The following TRPC5 variants were observed in gnomAD, a reference collection of about 807,000 sequenced individuals.
The protein encoded by TRPC5 is short transient receptor potential channel 5.
A neutral mutation model predicts 56.5 loss-of-function variants in TRPC5; 9 were observed. The ratio of observed to expected loss-of-function variants is 0.16; its 90% CI spans 0.10 to 0.28. The LOEUF is 0.28. Ranked by LOEUF, TRPC5 falls within the 10% of genes least tolerant of loss-of-function variation. TRPC5 has a pLI of 1.00. For synonymous variants in TRPC5, 282 were observed against 278.5 expected, an observed-to-expected ratio of 1.01 and a Z score of -0.13; for missense variants, 469 against 748.9, an observed-to-expected ratio of 0.63 and a Z score of 4.36.
intron 7 of TRPC5, among the ~76,000 whole-genome samples, chrX:111,791,478 G>T (rs1377303852): frequency 1.8e-5 from 2 of 111,978 alleles, no homozygotes; most frequent in Admixed American, 1.9e-4. Flanking sequence ...CAAGTTGACC[G>T]TATTGAACTC....
Position 111,776,300 on chromosome X carries a change from A to G in TRPC5, c.*13T>C. On this transcript the variant is annotated 3_prime_UTR_variant, in exon 11 of 11. Transcript: ENST00000262839. ...TTTCTGTTGAGTTCCAGAACAGATG[A>G]TTAGGGCTTGACTTAGAGGCGAGTT... is the stretch of plus-strand genomic sequence containing the variant. 1 of 1,153,034 alleles carries G rather than the reference A, an allele frequency of 8.7e-7. No individual in the cohort carries two copies. The highest frequency in any genetic ancestry group is 1.2e-6 in the Non-Finnish European group (1 of 868,095).
intron 3 of TRPC5, among the ~76,000 whole-genome samples, chrX:111,882,371 T>G (rs1924267121): frequency 8.9e-6 from 1 of 112,278 alleles, no homozygotes; most frequent in African/African-American, 3.2e-5. Flanking sequence ...GTCTCTGACT[T>G]CTTTATGACC....
chrX:112,008,871 G>A (rs1403864984), intron 1 of TRPC5, among the ~76,000 whole-genome samples: 4 of 111,510 alleles, frequency 3.6e-5, no homozygotes, highest in South Asian at 3.8e-4. Context: ...AAGCTGAGTC[G>A]TTAGAGTGTG....
At chrX:111,939,967 A>G (rs1312473289) in intron 2 of TRPC5, among the ~76,000 whole-genome samples, 1 of 111,805 alleles carries the variant, frequency 8.9e-6, no homozygotes, top group Admixed American at 9.5e-5. Flanking sequence ...ATTAAGATGT[A>G]ACATTAGGTC....
chrX:112,053,047 G>T (rs1930254781), intron 1 of TRPC5, among the ~76,000 whole-genome samples: 1 of 111,536 alleles, frequency 9.0e-6, no homozygotes, highest in Admixed American at 9.5e-5. Flanking sequence ...CTCACCCACT[G>T]AAGTATGAAG....
Position 112,021,374 on chromosome X carries a change from T to A in TRPC5, c.-22+60505A>T, listed in dbSNP as rs930619317. Among the ~76,000 whole-genome samples, 6 of 111,575 alleles carry A rather than the reference T, an allele frequency of 5.4e-5. No individual in the cohort carries two copies. The Admixed American group carries it at 5.7e-4, about 11-fold the overall frequency. On this transcript the variant is annotated intron_variant, in intron 1 of 10. Coordinates refer to ENST00000262839, the MANE Select transcript of TRPC5 (RefSeq NM_012471.3). ...GAGGCCTGCGGAAGATTAGTATAGGTGCTTCCATCTAATTAACTTCTGAGG... is the reference window on the plus strand; with the variant it reads ...GAGGCCTGCGGAAGATTAGTATAGGAGCTTCCATCTAATTAACTTCTGAGG...
intron 1 of TRPC5, among the ~76,000 whole-genome samples, chrX:111,983,632 C>T (rs1928138222): frequency 9.0e-6 from 1 of 111,593 alleles, no homozygotes; most frequent in African/African-American, 3.3e-5. Flanking sequence ...ATCTCATGTC[C>T]AGCCATTTCT....
chrX:111,907,095 G>A (rs180973627), intron 3 of TRPC5, among the ~76,000 whole-genome samples: 7 of 104,969 alleles, frequency 6.7e-5, no homozygotes, highest in East Asian at 2.9e-4. Flanking sequence ...GGCTTCTTTC[G>A]GGTATGAAGG....
intron 1 of TRPC5, among the ~76,000 whole-genome samples, chrX:111,989,757 A>T (rs1408796065): frequency 1.8e-5 from 2 of 112,274 alleles, no homozygotes; most frequent in Non-Finnish European, 3.8e-5. Context: ...GGAATACTGA[A>T]CTGCAGTTAA....
chrX:111,803,530 T>G (rs1433085636), intron 7 of TRPC5, among the ~76,000 whole-genome samples: 1 of 112,153 alleles, frequency 8.9e-6, no homozygotes, highest in Non-Finnish European at 1.9e-5. Flanking sequence ...GTTTTCTGAC[T>G]CTTTAATGAT....
At chrX:111,989,157 A>G (rs1341024022) in intron 1 of TRPC5, among the ~76,000 whole-genome samples, 1 of 111,797 alleles carries the variant, frequency 8.9e-6, no homozygotes, top group African/African-American at 3.2e-5. Context: ...CTAGTAAACC[A>G]AGCTATCAAG....
intron 3 of TRPC5, among the ~76,000 whole-genome samples, chrX:111,905,876 C>G (rs1243886972): frequency 1.0e-5 from 1 of 99,053 alleles, no homozygotes; most frequent in Non-Finnish European, 2.0e-5. Context: ...GATCGTGCCA[C>G]TGCACTCCAG....
At chrX:112,072,318 C>G (rs1042771497) in intron 1 of TRPC5, among the ~76,000 whole-genome samples, 11 of 112,160 alleles carry the variant, frequency 9.8e-5, no homozygotes, top group Non-Finnish European at 1.9e-4. Flanking sequence ...ATTTGGAAAA[C>G]TCTTAGAACC....
intron 7 of TRPC5, among the ~76,000 whole-genome samples, chrX:111,790,233 A>T (rs1946007681): frequency 1.8e-5 from 2 of 111,885 alleles, no homozygotes; most frequent in African/African-American, 6.5e-5. Context: ...GCAGCCATAA[A>T]AAAGGATGAG....
chrX:111,827,589 T>G (rs1408761383), intron 7 of TRPC5, among the ~76,000 whole-genome samples: 2 of 111,666 alleles, frequency 1.8e-5, no homozygotes, highest in Non-Finnish European at 1.9e-5. Flanking sequence ...TGTCTTTTGC[T>G]CACACTTCAC....
At chrX:111,885,426 G>A (rs1305818153) in intron 3 of TRPC5, among the ~76,000 whole-genome samples, 1 of 111,162 alleles carries the variant, frequency 9.0e-6, no homozygotes, top group Non-Finnish European at 1.9e-5. Flanking sequence ...CAAGACTAGA[G>A]TGCCCAACTC....
At chrX:111,900,900 C>T (rs1925309614) in intron 3 of TRPC5, among the ~76,000 whole-genome samples, 1 of 111,342 alleles carries the variant, frequency 9.0e-6, no homozygotes, top group Non-Finnish European at 1.9e-5. Context: ...GATTTTCAAA[C>T]AAATAATATT....
intron 4 of TRPC5, 118 bp downstream of exon 4, chrX:111,853,652 G>T: frequency 1.6e-6 from 1 of 632,616 alleles, no homozygotes; most frequent in Non-Finnish European, 2.5e-6. Context: ...CTACCACACT[G>T]CATGGGGGTG....
At chrX:111,879,143 A>T (rs1281199981) in intron 3 of TRPC5, among the ~76,000 whole-genome samples, 1 of 112,264 alleles carries the variant, frequency 8.9e-6, no homozygotes, top group Non-Finnish European at 1.9e-5. Context: ...TTTTCAAAGC[A>T]TCTTTCAAAT....
Sources: allele counts gnomAD v4.1 joint callset (sites outside exome capture counted in the v4.1 genomes callset), GRCh38; gene constraint gnomAD v4.1.1; transcripts MANE v1.5; gene names NCBI Gene and HGNC (gene_info 2026-07-23, HGNC 2026-07-21).